TRIM9: variants seen among roughly 807,000 people sequenced by gnomAD.
TRIM9 encodes the protein tripartite motif containing 9, also known as E3 ubiquitin-protein ligase TRIM9.
TRIM9 carries 26 observed loss-of-function variants against 78.3 expected under a neutral mutation model. The observed-to-expected ratio is 0.33, with a 90% CI of 0.24 to 0.46. The LOEUF (loss-of-function observed/expected upper bound fraction) is 0.46. TRIM9 is among the 20% of genes least tolerant of loss of function. The pLI is 1.00. For synonymous variants in TRIM9, 398 were observed against 416.5 expected (o/e 0.96, Z 0.54); for missense variants, 787 against 1,036.4 (o/e 0.76, Z 3.30).
At chr14:51,091,148 A>C (rs2140375626) in intron 1 of TRIM9, 1 of 152,300 alleles carries the variant, frequency 6.6e-6, no homozygotes, top group South Asian at 2.1e-4. Flanking sequence ...TATTATTATT[A>C]TTCATGTGTT....
At chr14:51,038,579 A>G (rs1020338174) in intron 1 of TRIM9, among the ~76,000 whole-genome samples, 4 of 152,236 alleles carry the variant, frequency 2.6e-5, no homozygotes, top group Non-Finnish European at 5.9e-5. Flanking sequence ...CACAAAGAAT[A>G]TAAAGAATCT....
intron 1 of TRIM9, among the ~76,000 whole-genome samples, chr14:51,037,687 G>C (rs905871695): frequency 6.6e-6 from 1 of 151,880 alleles, no homozygotes; most frequent in African/African-American, 2.4e-5. Context: ...CTGGAATAAA[G>C]ACACAGAGAC....
chr14:50,983,792 C>T (rs1407404787), intron 8 of TRIM9, among the ~76,000 whole-genome samples: 1 of 152,218 alleles, frequency 6.6e-6, no homozygotes, highest in Non-Finnish European at 1.5e-5. Flanking sequence ...TGATAAAACT[C>T]TGCTCTCACT....
At chr14:51,043,899 T>C (rs2059753803) in intron 1 of TRIM9, among the ~76,000 whole-genome samples, 1 of 152,190 alleles carries the variant, frequency 6.6e-6, no homozygotes, top group Non-Finnish European at 1.5e-5. Flanking sequence ...GTGCATACGT[T>C]TAAATTATTA....
At chr14:50,982,161 T>A in intron 10 of TRIM9, 58 bp from the exon 11 acceptor site, 9 of 1,583,806 alleles carry the variant, frequency 5.7e-6, no homozygotes, top group South Asian at 3.4e-5. Context: ...CTCAGCACCA[T>A]AACATACTCC....
chr14:51,054,297 T>TTTGTTGTTGTTG (rs10641747), intron 1 of TRIM9, among the ~76,000 whole-genome samples: 16,747 of 151,166 alleles, frequency 0.11, 1,200 homozygotes, highest in Middle Eastern at 0.19. Flanking sequence ...TTTATACTCA[T>TTTGTTGTTGTTG]TTGTTGTTGT....
intron 7 of TRIM9, chr14:50,997,417 T>C (rs1596128903): frequency 1.0e-6 from 1 of 985,256 alleles, no homozygotes; most frequent in Non-Finnish European, 1.2e-6. Context: ...TGGCGGGTAA[T>C]GCGAAGTTGC....
intron 8 of TRIM9, among the ~76,000 whole-genome samples, chr14:50,983,992 C>A (rs777251993): frequency 6.6e-6 from 1 of 152,146 alleles, no homozygotes; most frequent in Non-Finnish European, 1.5e-5. Context: ...ATCCTTCTCA[C>A]CTGAGGGAGG....
At chr14:51,026,822 C>T (rs1048449070) in intron 1 of TRIM9, among the ~76,000 whole-genome samples, 2 of 152,086 alleles carry the variant, frequency 1.3e-5, no homozygotes, top group Non-Finnish European at 2.9e-5. Context: ...TTACCTTTGT[C>T]TGAATTACTC....
chr14:51,016,596 T>C (rs1212518225), intron 3 of TRIM9, among the ~76,000 whole-genome samples: 1 of 151,608 alleles, frequency 6.6e-6, no homozygotes, highest in Non-Finnish European at 1.5e-5. Flanking sequence ...AATTTAATTA[T>C]TACTAATAAC....
At chr14:51,058,718 T>G (rs1430014596) in intron 1 of TRIM9, among the ~76,000 whole-genome samples, 1 of 152,166 alleles carries the variant, frequency 6.6e-6, no homozygotes, top group Non-Finnish European at 1.5e-5. Flanking sequence ...GTGAAAGAAA[T>G]AAATTTCTAT....
At chr14:51,025,396 T>C (rs1373922896) in intron 1 of TRIM9, 36 bp from the exon 2 acceptor site, 6 of 1,398,750 alleles carry the variant, frequency 4.3e-6, no homozygotes, top group Non-Finnish European at 5.9e-6. Flanking sequence ...GGAGCTGTAA[T>C]CACAGGATAC....
chr14:50,994,531 G>T (rs2053950358), intron 7 of TRIM9, among the ~76,000 whole-genome samples: 4 of 152,170 alleles, frequency 2.6e-5, no homozygotes, highest in Admixed American at 2.6e-4. Flanking sequence ...CAGATGTCTA[G>T]CCCCTACCTA....
chr14:50,985,929 G>A (rs1216715789), intron 8 of TRIM9, 27 bp downstream of exon 8: 27 of 1,456,886 alleles, frequency 1.9e-5, no homozygotes, highest in Non-Finnish European at 2.4e-5. Flanking sequence ...AGAGATCAAG[G>A]GGAAAGGTCT....
chr14:51,029,948 G>A (rs530158249), intron 1 of TRIM9, among the ~76,000 whole-genome samples: 2 of 152,206 alleles, frequency 1.3e-5, no homozygotes, highest in Non-Finnish European at 2.9e-5. Flanking sequence ...TACAACCAGA[G>A]AAGGTGAGAG....
intron 2 of TRIM9, 128 bp from the exon 3 acceptor site, chr14:51,023,085 T>C: frequency 7.9e-7 from 1 of 1,267,374 alleles, no homozygotes; most frequent in Non-Finnish European, 1.1e-6. Context: ...ATTTGGTAAT[T>C]TTAAAAAAAT....
At chr14:51,022,379 C>G (rs2057838755) in intron 3 of TRIM9, among the ~76,000 whole-genome samples, 1 of 152,182 alleles carries the variant, frequency 6.6e-6, no homozygotes, top group African/African-American at 2.4e-5. Flanking sequence ...GATGATGCAG[C>G]ATGAAGGCCC....
chr14:51,057,464 G>A (rs1319634723), intron 1 of TRIM9, among the ~76,000 whole-genome samples: 1 of 152,082 alleles, frequency 6.6e-6, no homozygotes, highest in Non-Finnish European at 1.5e-5. Flanking sequence ...ACCATAATTA[G>A]TATTATTAAA....
intron 1 of TRIM9, among the ~76,000 whole-genome samples, chr14:51,079,258 T>G (rs1379325536): frequency 2.0e-5 from 3 of 152,316 alleles, no homozygotes; most frequent in African/African-American, 7.2e-5. Flanking sequence ...TTGGCTCCAC[T>G]CAGAAGAGAA....
Sources: gnomAD v4.1 joint callset for allele counts (sites outside exome capture counted in the v4.1 genomes callset) on GRCh38, gnomAD v4.1.1 for gene constraint, MANE v1.5 for transcripts, NCBI Gene and HGNC (gene_info 2026-07-23, HGNC 2026-07-21) for gene names.